BCL7C: variants seen among roughly 807,000 people sequenced by gnomAD.
The protein encoded by BCL7C is BAF chromatin remodeling complex subunit BCL7C, also known as B-cell CLL/lymphoma 7 protein family member C.
A neutral mutation model predicts 26.2 loss-of-function variants in BCL7C; 8 were observed. The ratio of observed to expected loss-of-function variants is 0.30; its 90% CI spans 0.18 to 0.55. The LOEUF is 0.55. Among genes scored for constraint, BCL7C ranks in the 20% least tolerant of loss-of-function variants. BCL7C has a pLI of 0.93. For missense variants in BCL7C, 262 were observed against 298.5 expected, an observed-to-expected ratio of 0.88 and a Z score of 0.90; for synonymous variants, 90 against 116.5, an observed-to-expected ratio of 0.77 and a Z score of 1.47.
At chr16:30,878,703 CGTGGTGGCACGCACCTG>C (rs1190225775) in intron 5 of BCL7C, among the ~76,000 whole-genome samples, 2 of 125,206 alleles carry the variant, frequency 1.6e-5, no homozygotes, top group Non-Finnish European at 3.4e-5. Context: ...ATTAGCTGGG[CGTGGTGGCACGCACCTG>C]TAATCCCAGC....
Position 30,893,839 on chromosome 16 carries a change from C to A in BCL7C, c.92+14G>T. The A allele has an allele frequency of 1.3e-6, 2 of 1,597,110 alleles. No individual in the cohort carries two copies. The highest frequency in any genetic ancestry group is 1.1e-5 in the South Asian group (1 of 90,780). On this transcript the variant is annotated intron_variant, in intron 1 of 5. Transcript: ENST00000215115. This position sits in a 1 kb window ranked among gnomAD's most constrained non-coding sequence, Gnocchi z 5.2. Reference sequence around the variant, plus strand: ...CCCGCTGTGTCCCGTCCCTGGCCCCCGAGCAGCGCTCACCATCTCCGGACC... The same window carrying A: ...CCCGCTGTGTCCCGTCCCTGGCCCCAGAGCAGCGCTCACCATCTCCGGACC...
chr16:30,888,355 GAGA>G (rs890848864), intron 5 of BCL7C, among the ~76,000 whole-genome samples: 5 of 152,202 alleles, frequency 3.3e-5, no homozygotes, highest in Admixed American at 6.5e-5. Context: ...ATTTATTTTT[GAGA>G]AGGAGTCTCG....
chr16:30,882,549 G>T (rs913835364), intron 5 of BCL7C, among the ~76,000 whole-genome samples: 7 of 152,214 alleles, frequency 4.6e-5, no homozygotes, highest in African/African-American at 1.7e-4. Flanking sequence ...GGCTTTCCTG[G>T]TGGAGCAGCC....
chr16:30,888,730 C>T (rs1181099759), intron 5 of BCL7C, 130 bp downstream of exon 5: 3 of 778,954 alleles, frequency 3.9e-6, no homozygotes, highest in Non-Finnish European at 6.2e-6. Context: ...GAACCCAGCC[C>T]CTAAGCCTTC....
chr16:30,887,286 G>T (rs2055147936), downstream of BCL7C, among the ~76,000 whole-genome samples: 1 of 151,886 alleles, frequency 6.6e-6, no homozygotes, highest in Non-Finnish European at 1.5e-5. Context: ...TCCAGCCTGG[G>T]CAACAAGAGC....
At chr16:30,873,914 T>C (rs1373831693) in intron 5 of BCL7C, among the ~76,000 whole-genome samples, 2 of 138,662 alleles carry the variant, frequency 1.4e-5, no homozygotes, top group South Asian at 4.7e-4. Flanking sequence ...ATATAATTTT[T>C]CCTCCTCTCT....
chr16:30,842,020 C>G (rs2054605814), intron 5 of BCL7C, among the ~76,000 whole-genome samples: 1 of 151,748 alleles, frequency 6.6e-6, no homozygotes, highest in African/African-American at 2.4e-5. Context: ...CCCCCTGACC[C>G]CTTCTTCCAA....
chr16:30,864,938 G>A (rs2054812118), intron 5 of BCL7C, among the ~76,000 whole-genome samples: 1 of 149,898 alleles, frequency 6.7e-6, no homozygotes, highest in South Asian at 2.1e-4. Flanking sequence ...GGAGGCCGAG[G>A]TTGGCGGATC....
intron 5 of BCL7C, among the ~76,000 whole-genome samples, chr16:30,848,888 TCA>T: frequency 2.6e-5 from 1 of 38,324 alleles, no homozygotes; most frequent in East Asian, 8.5e-4. Context: ...TGAGACTCCA[TCA>T]CAAAAAAAAA....
chr16:30,846,684 C>A (rs1410214220), intron 5 of BCL7C, among the ~76,000 whole-genome samples: 1 of 152,218 alleles, frequency 6.6e-6, no homozygotes, highest in Non-Finnish European at 1.5e-5. Flanking sequence ...GTGGCTTCTG[C>A]CTTTTGATTG....
At chr16:30,870,687 A>T (rs557456276) in intron 5 of BCL7C, among the ~76,000 whole-genome samples, 1 of 151,706 alleles carries the variant, frequency 6.6e-6, no homozygotes, top group Admixed American at 6.6e-5. Context: ...ATAAAATTAA[A>T]TAAATAAATA....
chr16:30,877,004 A>C (rs1182719115), intron 5 of BCL7C, among the ~76,000 whole-genome samples: 1 of 152,184 alleles, frequency 6.6e-6, no homozygotes. Flanking sequence ...GAAGGTGAGC[A>C]GAGGCCAAGG....
chr16:30,857,737 A>T (rs1174051447), intron 5 of BCL7C, among the ~76,000 whole-genome samples: 1 of 151,584 alleles, frequency 6.6e-6, no homozygotes, highest in Non-Finnish European at 1.5e-5. Context: ...TTGGGAGGCC[A>T]AGGCGGGTGG....
chr16:30,845,692 G>T (rs1276269244), intron 5 of BCL7C, among the ~76,000 whole-genome samples: 1 of 151,762 alleles, frequency 6.6e-6, no homozygotes, highest in Non-Finnish European at 1.5e-5. Context: ...CTTTATATCT[G>T]CCACCTCTGT....
chr16:30,875,031 C>T (rs2054925114), intron 5 of BCL7C, among the ~76,000 whole-genome samples: 1 of 152,156 alleles, frequency 6.6e-6, no homozygotes, highest in Non-Finnish European at 1.5e-5. Context: ...TAACGCCCTC[C>T]TTCCCGGCCT....
intron 5 of BCL7C, among the ~76,000 whole-genome samples, chr16:30,849,264 C>A (rs1414404954): frequency 6.6e-6 from 1 of 151,682 alleles, no homozygotes; most frequent in Non-Finnish European, 1.5e-5. Flanking sequence ...TTTCTCCCTT[C>A]AGTTCTATCA....
chr16:30,867,169 T>C (rs1025501003), intron 5 of BCL7C, among the ~76,000 whole-genome samples: 4 of 152,128 alleles, frequency 2.6e-5, no homozygotes, highest in East Asian at 1.9e-4. Context: ...AGTTAATAGA[T>C]GGACAAAAAA....
chr16:30,878,278 C>T (rs1212271834), intron 5 of BCL7C, among the ~76,000 whole-genome samples: 2 of 152,100 alleles, frequency 1.3e-5, no homozygotes, highest in Non-Finnish European at 2.9e-5. Flanking sequence ...TGCCTGTAAT[C>T]CCAGCACTTT....
chr16:30,856,047 GCAAGA>G (rs1490630581), intron 5 of BCL7C, among the ~76,000 whole-genome samples: 1 of 127,506 alleles, frequency 7.8e-6, no homozygotes, highest in Non-Finnish European at 1.6e-5. Context: ...GGGCGACAAA[GCAAGA>G]CTCCATCTAA....
Sources: allele counts gnomAD v4.1 joint callset (sites outside exome capture counted in the v4.1 genomes callset), GRCh38; gene constraint gnomAD v4.1.1; non-coding constraint Gnocchi (gnomAD v3.1); transcripts MANE v1.5; gene names NCBI Gene and HGNC (gene_info 2026-07-23, HGNC 2026-07-21).